CALHM1: variants seen among roughly 807,000 people sequenced by gnomAD.
CALHM1 encodes calcium homeostasis modulator protein 1.
In CALHM1, 11 loss-of-function variants were observed where a neutral mutation model predicts 14.8. That is an observed-to-expected ratio of 0.74 (90% CI 0.47 to 1.23). CALHM1 has a LOEUF of 1.23. Ranked by LOEUF, CALHM1 falls within the 50% of genes most tolerant of loss-of-function variation. The probability of loss-of-function intolerance (pLI) is 0.00; values close to 1 mark genes in which losing one functional copy is unlikely to be tolerated. For synonymous variants in CALHM1, 215 were observed against 218.9 expected (o/e 0.98, Z 0.16); for missense variants, 458 against 496.4 (o/e 0.92, Z 0.74).
Position 103,453,776 on chromosome 10 carries a change from A to G in CALHM1, c.*1486T>C, listed in dbSNP as rs538784268. The G allele has an allele frequency of 6.6e-6, 1 of 152,110 alleles. No homozygotes were observed. Among genetic ancestry groups the G allele is most frequent in the African/African-American group, 2.4e-5 (1 of 41,466 alleles). The allele number at this position is 152,110 out of a possible 1,614,324, so 9.4% of individuals were successfully genotyped here. ...CCAACATACACCTTGTTTTTTGCTC[A>G]TCCTAATCCTCCCTGACTTCAGGGC... On this transcript the variant is annotated 3_prime_UTR_variant, in exon 2 of 2. Transcript: ENST00000329905.
At position 103,455,205 on chromosome 10, in the gene CALHM1, G is replaced by A; in HGVS notation, c.*57C>T. 1 of 1,503,596 alleles carries A rather than the reference G, an allele frequency of 6.7e-7. No homozygotes were observed. The highest frequency in any genetic ancestry group is 2.4e-5 in the East Asian group (1 of 40,896). 93.1% of individuals were successfully genotyped at this position (1,503,596 alleles called of 1,614,324 possible). On this transcript the variant is annotated 3_prime_UTR_variant, in exon 2 of 2. Transcript: ENST00000329905. ...CCCTTCCTTTTTCCACCTGGTTTGG[G>A]GGTTGGAGGGGCTGTGGGCTCAGAT...
chr10:103,455,882 C>T, intron 1 of CALHM1, 135 bp from the exon 2 acceptor site: 1 of 1,021,762 alleles, frequency 9.8e-7, no homozygotes, highest in Non-Finnish European at 1.4e-6. Context: ...GCCTCTTGGC[C>T]TCCATTTCCT....
rs2033120041 is a variant in CALHM1, at chr10:103,454,625, T to C, written c.*637A>G. Reference sequence around the variant, plus strand: ...ATAAACATGCAGTCCACCTGGACAATTGTCACATGACCCCCATGGTGACCA... The same window carrying C: ...ATAAACATGCAGTCCACCTGGACAACTGTCACATGACCCCCATGGTGACCA... On this transcript the variant is annotated 3_prime_UTR_variant, in exon 2 of 2. Coordinates refer to ENST00000329905, the MANE Select transcript of CALHM1 (RefSeq NM_001001412.4). 2 of 152,430 alleles carry C rather than the reference T, an allele frequency of 1.3e-5. No individual in the cohort carries two copies. The highest frequency in any genetic ancestry group is 6.5e-5 in the Admixed American group (1 of 15,282). 9.4% of individuals were successfully genotyped at this position (152,430 alleles called of 1,614,324 possible).
Position 103,458,659 on chromosome 10 carries a change from A to G in CALHM1, c.93T>C (p.Ser31=). The change falls in exon 1 of 2, where the codon AGT becomes AGC. Residue 31 remains serine (S), a synonymous_variant. Coordinates refer to ENST00000329905, the MANE Select transcript of CALHM1 (RefSeq NM_001001412.4). The surrounding 1 kb of genome is among the most constrained non-coding windows in gnomAD (Gnocchi z 4.9). ...AGTCGAAGGCCGAGTACATCTGGGC[A>G]CTGGCCAGGGCCATGATGCCACAGA... The part of the protein sequence containing the change: ...NGICGIMALA[S]AQMYSAFDFN... The G allele has an allele frequency of 6.2e-7, 1 of 1,614,028 alleles. No homozygotes were observed. Among genetic ancestry groups the G allele is most frequent in the Middle Eastern group, 1.6e-4 (1 of 6,062 alleles).
At position 103,455,556 on chromosome 10, in the gene CALHM1, C is replaced by T. The variant is rs1235361569; in HGVS notation, c.747G>A (p.Gln249=). 1 of 1,614,034 alleles carries T rather than the reference C, an allele frequency of 6.2e-7. No individual in the cohort carries two copies. Reference sequence around the variant, plus strand: ...GGTCATGGTTCATGGCCTCGAAGAACTGCTGGATGCAGACCTTGGCAAAGG... The same window carrying T: ...GGTCATGGTTCATGGCCTCGAAGAATTGCTGGATGCAGACCTTGGCAAAGG... ...AKAFAKVCIQ[Q]FFEAMNHDLE... The change falls in exon 2 of 2, where the codon CAG becomes CAA. Residue 249 remains glutamine (Q), a synonymous_variant. Transcript: ENST00000329905.
intron 1 of CALHM1, 147 bp from the exon 2 acceptor site, chr10:103,455,894 A>G (rs10883870): frequency 0.36 from 329,420 of 916,294 alleles, 63,744 homozygotes; most frequent in South Asian, 0.48. Context: ...CCATTTCCTC[A>G]TCTGTAAAAT....
chr10:103,458,340 G>A lies in CALHM1; in HGVS notation c.412C>T (p.Leu138=), dbSNP rs1416595231. 2.5e-6 allele frequency: 4 copies of A among 1,610,822 alleles called. No individual in the cohort carries two copies. Among genetic ancestry groups the A allele is most frequent in the Admixed American group, 3.3e-5 (2 of 59,856 alleles). The part of the protein sequence containing the change: ...AFCTAVPVSA[L]GNGSLAPGLP... The stretch of plus-strand genomic sequence containing the variant: ...CCGGGTGCCAGGCTGCCGTTGCCCA[G>A]TGCGCTCACGGGCACGGCAGTGCAG... The change falls in exon 1 of 2, where the codon CTG becomes TTG. Residue 138 remains leucine, a synonymous_variant. Transcript: ENST00000329905. The surrounding 1 kb of genome is among the most constrained non-coding windows in gnomAD (Gnocchi z 4.9).
rs2033123584 is a variant in CALHM1, at chr10:103,454,861, A to G, written c.*401T>C. The G allele has an allele frequency of 5.1e-6, 1 of 196,482 alleles. No individual in the cohort carries two copies. Among genetic ancestry groups the G allele is most frequent in the African/African-American group, 2.3e-5 (1 of 42,854 alleles). The allele number at this position is 196,482 out of a possible 1,614,324, so 12.2% of individuals were successfully genotyped here. A position where few individuals can be genotyped will look rare whatever the true frequency, so the allele number is the denominator to read the frequency against. On this transcript the variant is annotated 3_prime_UTR_variant, in exon 2 of 2. Coordinates refer to ENST00000329905, the MANE Select transcript of CALHM1 (RefSeq NM_001001412.4). Reference sequence around the variant, plus strand: ...TTCCCACTCCCCGAGCCCGGAGCATAAAGGAAGAGAGGTACTGAACAGCCA... The same window carrying G: ...TTCCCACTCCCCGAGCCCGGAGCATGAAGGAAGAGAGGTACTGAACAGCCA...
chr10:103,458,604 C>T lies in CALHM1; in HGVS notation c.148G>A (p.Ala50Thr), dbSNP rs892291592. The T allele has an allele frequency of 2.5e-6, 4 of 1,613,988 alleles. No individual in the cohort carries two copies. Among genetic ancestry groups the T allele is most frequent in the South Asian group, 1.1e-5 (1 of 91,090 alleles). The stretch of plus-strand genomic sequence containing the variant: ...AGCAGGATGCCCGCGCTGTAGGCTG[C>T]ATTGTAGCCCGGCAGGCAGGGGCAG... ...FNCPCLPGYN[A>T]AYSAGILLAP... The change falls in exon 1 of 2, where the codon GCA becomes ACA. Residue 50 changes from alanine (A) to threonine (T), a missense_variant. Transcript: ENST00000329905. The surrounding 1 kb of genome is among the most constrained non-coding windows in gnomAD (Gnocchi z 4.9).
rs201805642 is a variant in CALHM1, at chr10:103,458,234, C to T, written c.518G>A (p.Arg173Gln). The change falls in exon 1 of 2, where the codon CGA (arginine) becomes CAA (glutamine). Residue 173 changes from arginine (R) to glutamine (Q), a missense_variant. By Grantham distance (43) the Arg-to-Gln change is conservative (BLOSUM62 1). Coordinates refer to ENST00000329905, the MANE Select transcript of CALHM1 (RefSeq NM_001001412.4). The surrounding 1 kb of genome is among the most constrained non-coding windows in gnomAD (Gnocchi z 4.9). ...GCGGAGGTAACGCACGGCCACCTCT[C>T]GGGCCAACAGCCAGTCGCCATCGTA... The part of the protein sequence containing the change: ...EIYDGDWLLA[R>Q]EVAVRYLRCI... 4.0e-5 allele frequency: 65 copies of T among 1,612,972 alleles called. No individual in the cohort carries two copies. The highest frequency in any genetic ancestry group is 2.7e-4 in the East Asian group (12 of 44,856).
rs1469655330 is a variant in CALHM1 at position 103,455,131 on chromosome 10, G to T, written c.*131C>A. 7.6e-7 allele frequency: 1 copy of T among 1,322,212 alleles called. No homozygotes were observed. The allele number at this position is 1,322,212 out of a possible 1,614,324, so 81.9% of individuals were successfully genotyped here. The stretch of plus-strand genomic sequence containing the variant: ...TTTCCTGCCTCCAATGGGCAGGCGA[G>T]TGCTAGGGAGTGTGGATCTGCCTAG... On this transcript the variant is annotated 3_prime_UTR_variant, in exon 2 of 2. Transcript: ENST00000329905.
At position 103,458,169 on chromosome 10, in the gene CALHM1, C is replaced by G. The variant is rs763705890; in HGVS notation, c.555+28G>C. The G allele has an allele frequency of 1.9e-6, 3 of 1,609,836 alleles. No individual in the cohort carries two copies. Among genetic ancestry groups the G allele is most frequent in the Admixed American group, 3.3e-5 (2 of 59,936 alleles). On this transcript the variant is annotated intron_variant, in intron 1 of 1. Coordinates refer to ENST00000329905, the MANE Select transcript of CALHM1 (RefSeq NM_001001412.4). The surrounding 1 kb of genome is among the most constrained non-coding windows in gnomAD (Gnocchi z 4.9). ...GAGGGACCTTGATCTGCCAGGGAGACCCAGCGTGAAGCCATGCGGCCCCTC... is the reference window on the plus strand; with the variant it reads ...GAGGGACCTTGATCTGCCAGGGAGAGCCAGCGTGAAGCCATGCGGCCCCTC...
At position 103,458,045 on chromosome 10, in the gene CALHM1, C is replaced by G. The variant is rs1260572830; in HGVS notation, c.555+152G>C. The G allele has an allele frequency of 1.1e-6, 1 of 917,006 alleles. No individual in the cohort carries two copies. Among genetic ancestry groups the G allele is most frequent in the African/African-American group, 1.7e-5 (1 of 60,178 alleles). The allele number at this position is 917,006 out of a possible 1,614,324, so 56.8% of individuals were successfully genotyped here. On this transcript the variant is annotated intron_variant, in intron 1 of 1. Transcript: ENST00000329905. This position sits in a 1 kb window ranked among gnomAD's most constrained non-coding sequence, Gnocchi z 4.9. ...CCCTGGGCTGAGGGCAGATGCGTGG[C>G]TCTGCCTTCAGCCTCAGTTGGGAAG...
chr10:103,456,766 A>C (rs538297168), intron 1 of CALHM1, among the ~76,000 whole-genome samples: 2 of 152,306 alleles, frequency 1.3e-5, no homozygotes, highest in East Asian at 3.9e-4. Flanking sequence ...TTTATGTGAA[A>C]AATTCCGATT....
Position 103,458,128 on chromosome 10 carries a change from G to A in CALHM1, c.555+69C>T. 1.3e-6 allele frequency: 2 copies of A among 1,555,186 alleles called. No individual in the cohort carries two copies. Among genetic ancestry groups the A allele is most frequent in the South Asian group, 1.1e-5 (1 of 88,300 alleles). ...AGAGGCCCCATTTTGAGAGGTAGGG[G>A]GATAGGGCCCTCCCAGAGGGACCTT... On this transcript the variant is annotated intron_variant, in intron 1 of 1. Transcript: ENST00000329905. The surrounding 1 kb of genome is among the most constrained non-coding windows in gnomAD (Gnocchi z 4.9).
rs756079069 is a variant in CALHM1, at chr10:103,455,609, C to T, written c.694G>A (p.Asp232Asn). The change falls in exon 2 of 2, where the codon GAC (aspartate) becomes AAC (asparagine). Residue 232 changes from aspartate (D) to asparagine (N), a missense_variant. Coordinates refer to ENST00000329905, the MANE Select transcript of CALHM1 (RefSeq NM_001001412.4). ...TTGGCGTGCTCCGTGCACGTCTCGT[C>T]GAAGAGCTTGCGCTCGATGTCGATA... ...HYIDIERKLFDETCTEHAKAF... is the reference protein window; with the variant it reads ...HYIDIERKLFNETCTEHAKAF... The T allele has an allele frequency of 1.9e-6, 3 of 1,613,940 alleles. No homozygotes were observed. The highest frequency in any genetic ancestry group is 1.1e-5 in the South Asian group (1 of 91,084).
Position 103,458,173 on chromosome 10 carries a change from GC to G in CALHM1, c.555+23del. 6.2e-7 allele frequency: 1 copy of G among 1,610,562 alleles called. No individual in the cohort carries two copies. Among genetic ancestry groups the G allele is most frequent in the Non-Finnish European group, 8.5e-7 (1 of 1,179,428 alleles). ...GACCTTGATCTGCCAGGGAGACCCA[GC>G]GTGAAGCCATGCGGCCCCTCACCTG... is the stretch of plus-strand genomic sequence containing the variant. On this transcript the variant is annotated intron_variant, in intron 1 of 1. Coordinates refer to ENST00000329905, the MANE Select transcript of CALHM1 (RefSeq NM_001001412.4). This position sits in a 1 kb window ranked among gnomAD's most constrained non-coding sequence, Gnocchi z 4.9.
Position 103,453,352 on chromosome 10 carries a change from AG to A in CALHM1, c.*1909del. 6.6e-6 allele frequency: 1 copy of A among 152,280 alleles called. No individual in the cohort carries two copies. The highest frequency in any genetic ancestry group is 1.5e-5 in the Non-Finnish European group (1 of 68,030). The allele number at this position is 152,280 out of a possible 1,614,324, so 9.4% of individuals were successfully genotyped here. A position where few individuals can be genotyped will look rare whatever the true frequency, so the allele number is the denominator to read the frequency against. On this transcript the variant is annotated 3_prime_UTR_variant, in exon 2 of 2. Transcript: ENST00000329905. Reference sequence around the variant, plus strand: ...TATCCTTACCACAATCCTGAAAATCAGGTCTTTTTTAAAAAATAATTTTTTC... The same window carrying A: ...TATCCTTACCACAATCCTGAAAATCAGTCTTTTTTAAAAAATAATTTTTTC...
rs2033128574 is a variant in CALHM1 at position 103,455,202 on chromosome 10, TG to T, written c.*59del. 1 of 1,499,806 alleles carries T rather than the reference TG, an allele frequency of 6.7e-7. No homozygotes were observed. 92.9% of individuals were successfully genotyped at this position (1,499,806 alleles called of 1,614,324 possible). On this transcript the variant is annotated 3_prime_UTR_variant, in exon 2 of 2. Coordinates refer to ENST00000329905, the MANE Select transcript of CALHM1 (RefSeq NM_001001412.4). ...AAACCCTTCCTTTTTCCACCTGGTTTGGGGGTTGGAGGGGCTGTGGGCTCAG... is the reference window on the plus strand; with the variant it reads ...AAACCCTTCCTTTTTCCACCTGGTTTGGGGTTGGAGGGGCTGTGGGCTCAG...
Sources: allele counts gnomAD v4.1 joint callset (sites outside exome capture counted in the v4.1 genomes callset), GRCh38; gene constraint gnomAD v4.1.1; non-coding constraint Gnocchi (gnomAD v3.1); transcripts MANE v1.5; gene names NCBI Gene and HGNC (gene_info 2026-07-23, HGNC 2026-07-21).